Variants in HTT observed in about 807,000 individuals in gnomAD.
HTT encodes the protein huntington disease protein.
In HTT, 104 loss-of-function variants were observed where a neutral mutation model predicts 362.3. The observed-to-expected ratio is 0.29, with a 90% CI of 0.24 to 0.34. HTT has a LOEUF of 0.34. Ranked by LOEUF, HTT falls within the 10% of genes least tolerant of loss-of-function variation. HTT has a pLI of 1.00. For missense variants in HTT, 3,301 were observed against 3,928.6 expected, an observed-to-expected ratio of 0.84 and a Z score of 4.27; for synonymous variants, 1,577 against 1,548.7, an observed-to-expected ratio of 1.02 and a Z score of -0.43.
chr4:3,136,325 A>G lies in HTT; in HGVS notation c.2797A>G (p.Arg933Gly). ...VRHVAAASLI[R>G]LVPKLFYKCD... ...ACATGTTGCCGCAGCATCACTAATT[A>G]GGTATTTACCAATATTTTATCTCTT... The change falls in exon 21 of 67, where the codon AGG (arginine) becomes GGG (glycine). Residue 933 changes from arginine (R) to glycine (G), a missense_variant and splice_region_variant. By Grantham distance (125) the Arg-to-Gly change is moderately radical. Around this residue, in one of 4 missense-constraint regions of HTT, gnomAD observed 2,316 missense variants for 2,658.5 expected, o/e 0.87. Coordinates refer to ENST00000355072, the MANE Select transcript of HTT (RefSeq NM_001388492.1). 1 of 1,538,808 alleles carries G rather than the reference A, an allele frequency of 6.5e-7. No individual in the cohort carries two copies. The highest frequency in any genetic ancestry group is 9.0e-7 in the Non-Finnish European group (1 of 1,114,148).
At chr4:3,111,655 TCTTA>T (rs1291616911) in intron 6 of HTT, among the ~76,000 whole-genome samples, 2 of 152,124 alleles carry the variant, frequency 1.3e-5, no homozygotes, top group Non-Finnish European at 2.9e-5. Flanking sequence ...CAGGGTGCCC[TCTTA>T]CTTTTTGTTT....
At chr4:3,177,278 G>C in intron 33 of HTT, 54 bp from the exon 34 acceptor site, 4 of 1,250,690 alleles carry the variant, frequency 3.2e-6, no homozygotes, top group Non-Finnish European at 4.6e-6. Context: ...AAGAAGCCTG[G>C]TTTTTACATT....
At chr4:3,167,739 C>A (rs561382603) in intron 29 of HTT, among the ~76,000 whole-genome samples, 1 of 152,102 alleles carries the variant, frequency 6.6e-6, no homozygotes, top group Non-Finnish European at 1.5e-5. Context: ...TTCTTGAAAT[C>A]AGCCATATGG....
intron 49 of HTT, chr4:3,213,082 A>G: frequency 4.3e-6 from 1 of 230,554 alleles, no homozygotes; most frequent in South Asian, 7.4e-5. Context: ...ATTCGCCCCC[A>G]GAATGTGTAC....
intron 8 of HTT, 22 bp from the exon 9 acceptor site, chr4:3,121,206 A>T: frequency 6.3e-7 from 1 of 1,584,082 alleles, no homozygotes; most frequent in South Asian, 1.1e-5. Context: ...TGACCAGAAC[A>T]CCTGTGTTTC....
rs868854722 is a variant in HTT, at chr4:3,215,120, G to A, written c.6963G>A (p.Gln2321=). ...VHFILEAVAV[Q]PGEQLLSPER... ...CTGTTGTAATTTTAGTTGCAGTGCAGCCTGGAGAGCAGCTTCTTAGTCCAG... is the reference window on the plus strand; with the variant it reads ...CTGTTGTAATTTTAGTTGCAGTGCAACCTGGAGAGCAGCTTCTTAGTCCAG... Residue 2321 remains glutamine (Q), a synonymous_variant, in exon 51 of 67, where the codon CAG becomes CAA. Transcript: ENST00000355072. 2 of 1,613,632 alleles carry A rather than the reference G, an allele frequency of 1.2e-6. No homozygotes were observed. The highest frequency in any genetic ancestry group is 1.3e-5 in the African/African-American group (1 of 75,048).
intron 31 of HTT, among the ~76,000 whole-genome samples, chr4:3,173,807 T>TACAG (rs2110233147): frequency 6.6e-6 from 1 of 152,220 alleles, no homozygotes; most frequent in East Asian, 1.9e-4. Flanking sequence ...TAGCTGGGAC[T>TACAG]ACAGGCGCCT....
rs79013154 is a variant in HTT, at chr4:3,105,809, T to C, written c.608+373T>C. Among the ~76,000 whole-genome samples the C allele has an allele frequency of 4.5e-3, 680 of 152,360 alleles. 2 individuals carry two copies. Among genetic ancestry groups the C allele is most frequent in the Non-Finnish European group, 7.2e-3 (493 of 68,032 alleles). ...GTTGAGGTACCAATTTCATTATTGC[T>C]GACTATAGGAGTTATAGCAAAATAT... On this transcript the variant is annotated intron_variant, in intron 5 of 66. Transcript: ENST00000355072.
At position 3,218,057 on chromosome 4, in the gene HTT, A is replaced by AGG; in HGVS notation, c.7242+106_7242+107dup. On this transcript the variant is annotated intron_variant, in intron 52 of 66. Coordinates refer to ENST00000355072, the MANE Select transcript of HTT (RefSeq NM_001388492.1). This position sits in a 1 kb window ranked among gnomAD's most constrained non-coding sequence, Gnocchi z 4.4. ...GCGGGACAGAATCCCCGCAGCCCAG[A>AGG]GGCTGCCTGCTGTGGTTCTGGTGCC... 1.0e-6 allele frequency: 1 copy of AGG among 989,616 alleles called. No homozygotes were observed. Among genetic ancestry groups the AGG allele is most frequent in the East Asian group, 2.6e-5 (1 of 38,510 alleles). 61.3% of individuals were successfully genotyped at this position (989,616 alleles called of 1,614,324 possible).
intron 6 of HTT, among the ~76,000 whole-genome samples, chr4:3,111,449 C>G (rs1714745346): frequency 6.6e-6 from 1 of 152,148 alleles, no homozygotes; most frequent in African/African-American, 2.4e-5. Flanking sequence ...CTGCCTTGGC[C>G]TCCGAAAGTG....
chr4:3,131,206 T>C, intron 14 of HTT, 80 bp from the exon 15 acceptor site: 2 of 1,102,282 alleles, frequency 1.8e-6, no homozygotes, highest in Non-Finnish European at 2.8e-6. Flanking sequence ...AGTGCTGCTC[T>C]GGAACTATCT....
At chr4:3,140,885 A>C (rs779805867) in intron 22 of HTT, among the ~76,000 whole-genome samples, 1 of 152,214 alleles carries the variant, frequency 6.6e-6, no homozygotes, top group Non-Finnish European at 1.5e-5. Flanking sequence ...TAAATCTCTT[A>C]ATAGTTTATT....
chr4:3,156,264 C>G (rs983513693), intron 27 of HTT, among the ~76,000 whole-genome samples: 28 of 152,122 alleles, frequency 1.8e-4, no homozygotes, highest in African/African-American at 6.8e-4. Context: ...GGATTACAGG[C>G]ACATGCTACT....
chr4:3,185,504 A>G (rs1718718321), intron 37 of HTT, among the ~76,000 whole-genome samples: 1 of 152,238 alleles, frequency 6.6e-6, no homozygotes, highest in Non-Finnish European at 1.5e-5. Context: ...TACTATGTAT[A>G]CACACTCAGT....
chr4:3,155,608 G>A lies in HTT; in HGVS notation c.3625+1189G>A, dbSNP rs1028688881. 3.3e-5 allele frequency among the ~76,000 whole-genome samples: 5 copies of A among 151,062 alleles called. No individual in the cohort carries two copies. In the South Asian group the frequency reaches 6.3e-4, roughly 19 times the overall value. Reference sequence around the variant, plus strand: ...TGAAATATGTGTACATTGGCCAGGCGTGGTGGCTCACACCTGTAATCCCAG... The same window carrying A: ...TGAAATATGTGTACATTGGCCAGGCATGGTGGCTCACACCTGTAATCCCAG... On this transcript the variant is annotated intron_variant, in intron 27 of 66. Coordinates refer to ENST00000355072, the MANE Select transcript of HTT (RefSeq NM_001388492.1).
At position 3,186,691 on chromosome 4, in the gene HTT, G is replaced by A. The variant is rs778270890; in HGVS notation, c.4961G>A (p.Arg1654Gln). 3.7e-6 allele frequency: 6 copies of A among 1,613,706 alleles called. No individual in the cohort carries two copies. Among genetic ancestry groups the A allele is most frequent in the South Asian group, 3.3e-5 (3 of 91,052 alleles). ...CTCCGTCCGGTAGACATGCTTTTAC[G>A]GAGTATGTTCGTCACTCCAAACACA... Reference protein sequence around the residue: ...SSLRPVDMLLRSMFVTPNTMA... With the variant: ...SSLRPVDMLLQSMFVTPNTMA... The change falls in exon 38 of 67, where the codon CGG (arginine) becomes CAG (glutamine). Residue 1654 changes from arginine (R) to glutamine (Q), a missense_variant. By Grantham distance (43) the Arg-to-Gln change is conservative. This residue lies in a region of HTT where 2,316 missense variants were observed against 2,658.5 expected (regional missense o/e 0.87). Transcript: ENST00000355072.
chr4:3,111,802 T>A (rs1194633072), intron 6 of HTT, among the ~76,000 whole-genome samples: 2 of 151,972 alleles, frequency 1.3e-5, no homozygotes, highest in Non-Finnish European at 2.9e-5. Context: ...CTCAGGTGAG[T>A]GGGTGGGAAT....
chr4:3,179,889 A>G (rs181690890), intron 35 of HTT, among the ~76,000 whole-genome samples: 1 of 151,256 alleles, frequency 6.6e-6, no homozygotes, highest in East Asian at 2.0e-4. Flanking sequence ...CGTATGTGTC[A>G]CTGAGGGGTC....
chr4:3,208,631 G>A (rs1394676316), intron 45 of HTT, 142 bp from the exon 46 acceptor site: 2 of 682,722 alleles, frequency 2.9e-6, no homozygotes, highest in Non-Finnish European at 4.6e-6. Context: ...GTTTAAACAA[G>A]TGTATTTTCC....
Sources: gnomAD v4.1 joint callset for allele counts (sites outside exome capture counted in the v4.1 genomes callset) on GRCh38, gnomAD v4.1.1 for gene constraint, gnomAD v4.1.1 regional missense constraint, Gnocchi (gnomAD v3.1) non-coding constraint, MANE v1.5 for transcripts, NCBI Gene and HGNC (gene_info 2026-07-23, HGNC 2026-07-21) for gene names.